C9orf153: variants seen among roughly 807,000 people sequenced by gnomAD.
C9orf153 encodes the protein chromosome 9 open reading frame 153, also known as uncharacterized protein C9orf153.
Under a neutral mutation model 9.0 loss-of-function variants are expected in C9orf153, and 10 were observed. The observed-to-expected ratio is 1.11, with a 90% confidence interval of 0.69 to 1.89. The LOEUF (loss-of-function observed/expected upper bound fraction) is 1.89, where lower values mean the gene tolerates loss of function less well. Ranked by LOEUF, C9orf153 falls within the 40% of genes most tolerant of loss-of-function variation. C9orf153 has a pLI of 0.00. For missense variants in C9orf153, 108 were observed against 111.0 expected (o/e 0.97, Z 0.12); for synonymous variants, 35 against 37.3 (o/e 0.94, Z 0.23).
intron 1 of C9orf153, among the ~76,000 whole-genome samples, chr9:86,241,099 T>C (rs1273597055): frequency 2.0e-5 from 3 of 152,204 alleles, no homozygotes; most frequent in Admixed American, 6.5e-5. Context: ...GCTTATTTTT[T>C]CTATGCTTAT....
intron 1 of C9orf153, among the ~76,000 whole-genome samples, chr9:86,243,569 G>T (rs572810913): frequency 1.3e-5 from 2 of 151,268 alleles, no homozygotes; most frequent in South Asian, 4.2e-4. Context: ...AGGTTCAAGC[G>T]ATTCTCCTGC....
Position 86,229,569 on chromosome 9 carries a change from T to A in C9orf153, c.35A>T (p.Asp12Val). The A allele has an allele frequency of 6.2e-7, 1 of 1,613,234 alleles. No homozygotes were observed. ...FLTGDTSPAE[D>V]NREATLPQCS... ...TTGAGGAAGGGTGGCTTCTCTATTG[T>A]CCTCAGCTGGACTGGTGTCTCCAGT... is the stretch of plus-strand genomic sequence containing the variant. Residue 12 changes from aspartate to valine, a missense_variant, in exon 2 of 4, where the codon GAC becomes GTC. Transcript: ENST00000339137.
chr9:86,240,707 CTTTT>C (rs367674249), intron 1 of C9orf153, among the ~76,000 whole-genome samples: 9,072 of 116,644 alleles, frequency 0.078, 783 homozygotes, highest in African/African-American at 0.24. Flanking sequence ...TTTTCTTTTT[CTTTT>C]TTTTTTTTTT....
chr9:86,221,475 G>C lies in C9orf153; in HGVS notation c.*213C>G, dbSNP rs536832404. ...AATGCTCTCAAAAGCAAAAATCTAC[G>C]TCCAAAATATTTTAATACACTACAT... On this transcript the variant is annotated 3_prime_UTR_variant, in exon 4 of 4. Transcript: ENST00000339137. 17 of 1,250,212 alleles carry C rather than the reference G, an allele frequency of 1.4e-5. No individual in the cohort carries two copies. The highest frequency in any genetic ancestry group is 7.1e-6 in the Non-Finnish European group (7 of 987,330). 77.4% of individuals were successfully genotyped at this position (1,250,212 alleles called of 1,614,324 possible).
intron 1 of C9orf153, among the ~76,000 whole-genome samples, chr9:86,239,894 T>A (rs1489756830): frequency 6.6e-6 from 1 of 152,138 alleles, no homozygotes; most frequent in Non-Finnish European, 1.5e-5. Flanking sequence ...AAAGGGAATC[T>A]GGGCTGTTAG....
chr9:86,254,678 C>A (rs900950675), intron 1 of C9orf153, among the ~76,000 whole-genome samples: 1 of 152,214 alleles, frequency 6.6e-6, no homozygotes, highest in Non-Finnish European at 1.5e-5. Flanking sequence ...TGTTTACCTG[C>A]ATTGTATAGA....
chr9:86,258,045 T>C (rs1337951601), intron 1 of C9orf153, among the ~76,000 whole-genome samples: 1 of 152,166 alleles, frequency 6.6e-6, no homozygotes, highest in Admixed American at 6.5e-5. Context: ...ACAACCTTTA[T>C]TACTAAAATT....
At chr9:86,227,188 C>A in intron 3 of C9orf153, 1 of 782,062 alleles carries the variant, frequency 1.3e-6, no homozygotes, top group Non-Finnish European at 1.7e-6. Context: ...GCTCTGTTGC[C>A]AAGGCTGAAA....
At chr9:86,222,181 C>A (rs932941870) in intron 3 of C9orf153, among the ~76,000 whole-genome samples, 1 of 152,124 alleles carries the variant, frequency 6.6e-6, no homozygotes, top group Non-Finnish European at 1.5e-5. Flanking sequence ...ATCCACTGTA[C>A]CCGGCCTAAA....
chr9:86,248,471 C>T (rs771817449), intron 1 of C9orf153, among the ~76,000 whole-genome samples: 8 of 152,044 alleles, frequency 5.3e-5, no homozygotes, highest in East Asian at 1.9e-4. Flanking sequence ...AGAGAGTACG[C>T]GCGCAGGTTT....
chr9:86,250,899 A>G (rs1824980191), intron 1 of C9orf153, among the ~76,000 whole-genome samples: 2 of 152,196 alleles, frequency 1.3e-5, no homozygotes, highest in South Asian at 2.1e-4. Flanking sequence ...CTTTTTTATT[A>G]AAAGACAGAG....
intron 1 of C9orf153, among the ~76,000 whole-genome samples, chr9:86,230,525 T>C (rs976875687): frequency 1.3e-5 from 2 of 152,214 alleles, no homozygotes; most frequent in Non-Finnish European, 2.9e-5. Flanking sequence ...GGTCTTGAAC[T>C]CCTGACCTCA....
intron 3 of C9orf153, among the ~76,000 whole-genome samples, chr9:86,225,411 CTCCT>C (rs72315837): frequency 0.23 from 29,913 of 131,840 alleles, 3,700 homozygotes; most frequent in Non-Finnish European, 0.29. Flanking sequence ...CTCTCTCTCT[CTCCT>C]TCCTTCCTTC....
intron 1 of C9orf153, among the ~76,000 whole-genome samples, chr9:86,252,142 C>T (rs1156988694): frequency 6.6e-6 from 1 of 152,166 alleles, no homozygotes; most frequent in African/African-American, 2.4e-5. Flanking sequence ...TCAAGTGATC[C>T]TCCTGCCTTA....
intron 2 of C9orf153, among the ~76,000 whole-genome samples, chr9:86,229,165 G>T (rs2131177792): frequency 6.6e-6 from 1 of 151,716 alleles, no homozygotes; most frequent in African/African-American, 2.4e-5. Flanking sequence ...GTTTTTTTGG[G>T]GAGTTAAATA....
intron 1 of C9orf153, among the ~76,000 whole-genome samples, chr9:86,251,942 C>CACACACACACACACACACACACGAGA (rs367793280): frequency 1.3e-5 from 2 of 149,646 alleles, no homozygotes; most frequent in African/African-American, 5.0e-5. Context: ...CACACACACA[C>CACACACACACACACACACACACGAGA]GAGAGAGAGA....
At chr9:86,247,029 T>C (rs1369171142) in intron 1 of C9orf153, among the ~76,000 whole-genome samples, 1 of 152,158 alleles carries the variant, frequency 6.6e-6, no homozygotes, top group Non-Finnish European at 1.5e-5. Flanking sequence ...ACGGGTCTCT[T>C]TGGGGAAGCC....
chr9:86,231,614 T>C (rs565174370), intron 1 of C9orf153, among the ~76,000 whole-genome samples: 12 of 151,792 alleles, frequency 7.9e-5, no homozygotes, highest in Admixed American at 3.3e-4. Context: ...TATATATATA[T>C]ACATGTATGT....
At chr9:86,239,383 GATTT>G (rs1280687902) in intron 1 of C9orf153, among the ~76,000 whole-genome samples, 2 of 151,986 alleles carry the variant, frequency 1.3e-5, no homozygotes, top group African/African-American at 4.8e-5. Flanking sequence ...TTACAATGAA[GATTT>G]ATTACTTTTG....
Sources: gnomAD v4.1 joint callset for allele counts (sites outside exome capture counted in the v4.1 genomes callset) on GRCh38, gnomAD v4.1.1 for gene constraint, MANE v1.5 for transcripts, NCBI Gene and HGNC (gene_info 2026-07-23, HGNC 2026-07-21) for gene names.